The following PRPSAP2 variants were observed in gnomAD, a reference collection of about 807,000 sequenced individuals.
PRPSAP2 encodes phosphoribosyl pyrophosphate synthetase associated protein 2.
Under a neutral mutation model 40.6 loss-of-function variants are expected in PRPSAP2, and 24 were observed. The observed-to-expected ratio is 0.59, with a 90% CI of 0.43 to 0.83. The LOEUF (loss-of-function observed/expected upper bound fraction) is 0.83, where lower values mean the gene tolerates loss of function less well. PRPSAP2 is among the 40% of genes least tolerant of loss of function. PRPSAP2 has a pLI of 0.00. For missense variants in PRPSAP2, 292 were observed against 465.6 expected (o/e 0.63, Z 3.43); for synonymous variants, 149 against 164.7 (o/e 0.90, Z 0.73).
chr17:18,885,446 C>T, intron 7 of PRPSAP2, among the ~76,000 whole-genome samples: 1 of 143,706 alleles, frequency 7.0e-6, no homozygotes, highest in African/African-American at 2.6e-5. Flanking sequence ...TGTGGGAACT[C>T]AGTGTTAAAA....
chr17:18,911,238 C>A lies in PRPSAP2; in HGVS notation c.720C>A (p.Ser240Arg). ...GAAGTGTGGCTGCCATCCACCCCAGCCTGGAGATCCCCAGTAAGTGTGCTG... is the reference window on the plus strand; with the variant it reads ...GAAGTGTGGCTGCCATCCACCCCAGACTGGAGATCCCCAGTAAGTGTGCTG... Reference protein sequence around the residue: ...MVRSVAAIHPSLEIPMLIPKE... With the variant: ...MVRSVAAIHPRLEIPMLIPKE... The change falls in exon 9 of 12, where the codon AGC becomes AGA. Residue 240 changes from serine (S) to arginine (R), a missense_variant. Ser to Arg is a moderately radical substitution (Grantham distance 110). Coordinates refer to ENST00000268835, the MANE Select transcript of PRPSAP2 (RefSeq NM_002767.4). The surrounding 1 kb of genome is among the most constrained non-coding windows in gnomAD (Gnocchi z 4.5). 1 of 1,611,024 alleles carries A rather than the reference C, an allele frequency of 6.2e-7. No homozygotes were observed. Among genetic ancestry groups the A allele is most frequent in the South Asian group, 1.1e-5 (1 of 90,720 alleles).
chr17:18,920,676 T>G (rs1387044289), intron 9 of PRPSAP2, among the ~76,000 whole-genome samples: 2 of 152,270 alleles, frequency 1.3e-5, no homozygotes, highest in South Asian at 2.1e-4. Context: ...TAAAAATTAT[T>G]TTGTATCCTC....
rs1597643438 is a variant in PRPSAP2, at chr17:18,894,474, A to G, written c.584+4597A>G. Among the ~76,000 whole-genome samples, 4 of 123,866 alleles carry G rather than the reference A, an allele frequency of 3.2e-5. No individual in the cohort carries two copies. The Admixed American group carries it at 3.3e-4, about 10-fold the overall frequency. The allele number at this position is 123,866 out of a possible 152,430, so 81.3% of individuals were successfully genotyped here. On this transcript the variant is annotated intron_variant, in intron 8 of 11. Coordinates refer to ENST00000268835, the MANE Select transcript of PRPSAP2 (RefSeq NM_002767.4). The stretch of plus-strand genomic sequence containing the variant: ...ATGCCCGGCCCTCTGTAGCTTTTCA[A>G]TAGTCTTTTTTTTTTTTTTTTTTGA...
intron 5 of PRPSAP2, 33 bp from the exon 6 acceptor site, chr17:18,877,665 C>T: frequency 1.3e-6 from 2 of 1,575,812 alleles, no homozygotes; most frequent in Non-Finnish European, 1.7e-6. Context: ...TGTTGTAGAT[C>T]CCTTGATGAG....
intron 11 of PRPSAP2, chr17:18,929,853 C>T (rs934922421): frequency 3.9e-5 from 6 of 152,092 alleles, no homozygotes; most frequent in Admixed American, 3.9e-4. Context: ...TGTGTTTTCT[C>T]TTCTCTTGGA....
At chr17:18,866,022 C>A in intron 3 of PRPSAP2, 70 bp downstream of exon 3, 1 of 1,126,482 alleles carries the variant, frequency 8.9e-7, no homozygotes, top group African/African-American at 1.6e-5. Context: ...ATCAGATTAG[C>A]AGTTATTGTT....
chr17:18,858,037 T>C (rs1337300932), upstream of PRPSAP2: 3 of 150,906 alleles, frequency 2.0e-5, no homozygotes, highest in Admixed American at 6.6e-5. Context: ...CCCCGCGCCT[T>C]ACCCACTGGT....
intron 8 of PRPSAP2, among the ~76,000 whole-genome samples, chr17:18,890,244 A>T (rs2039458591): frequency 1.3e-5 from 2 of 152,078 alleles, no homozygotes; most frequent in South Asian, 4.2e-4. Context: ...ATCTCGGCTC[A>T]CCACAACCTC....
chr17:18,915,289 G>A (rs2041240527), intron 9 of PRPSAP2, among the ~76,000 whole-genome samples: 1 of 152,112 alleles, frequency 6.6e-6, no homozygotes, highest in East Asian at 1.9e-4. Context: ...GCCTCCCAAA[G>A]TGCTGAAATT....
At chr17:18,912,621 G>T (rs2041035250) in intron 9 of PRPSAP2, among the ~76,000 whole-genome samples, 1 of 152,184 alleles carries the variant, frequency 6.6e-6, no homozygotes, top group South Asian at 2.1e-4. Flanking sequence ...TAAGACTCCA[G>T]CTCTGGGATT....
At chr17:18,900,758 T>C (rs2040218134) in intron 8 of PRPSAP2, among the ~76,000 whole-genome samples, 1 of 152,080 alleles carries the variant, frequency 6.6e-6, no homozygotes, top group Non-Finnish European at 1.5e-5. Context: ...TGGGTGGAAA[T>C]GCTCCCTCCA....
intron 8 of PRPSAP2, among the ~76,000 whole-genome samples, chr17:18,909,276 CTG>C (rs2040806255): frequency 7.5e-6 from 1 of 133,762 alleles, no homozygotes; most frequent in Non-Finnish European, 1.5e-5. Flanking sequence ...GAGTCTCGCT[CTG>C]TCGCCCAGGC....
intron 7 of PRPSAP2, among the ~76,000 whole-genome samples, chr17:18,885,403 C>CA (rs775079199): frequency 0.093 from 1,014 of 10,958 alleles, 212 homozygotes; most frequent in East Asian, 0.25. Context: ...TTCCTTCTCA[C>CA]AAAAAAAAAA....
chr17:18,901,854 T>C (rs1204712503), intron 8 of PRPSAP2, among the ~76,000 whole-genome samples: 1 of 152,290 alleles, frequency 6.6e-6, no homozygotes, highest in East Asian at 1.9e-4. Flanking sequence ...CAACCACGGC[T>C]CACTGTAGCC....
chr17:18,893,905 G>A (rs1010728479), intron 8 of PRPSAP2, among the ~76,000 whole-genome samples: 6 of 152,014 alleles, frequency 3.9e-5, no homozygotes, highest in African/African-American at 1.4e-4. Flanking sequence ...TTTCACTCTT[G>A]TTGCCCGGGC....
intron 6 of PRPSAP2, among the ~76,000 whole-genome samples, chr17:18,882,026 A>G (rs926641086): frequency 1.3e-5 from 2 of 148,892 alleles, no homozygotes; most frequent in African/African-American, 5.0e-5. Flanking sequence ...TTTTTAGTAA[A>G]GATGGGGTTT....
rs751400807 is a variant in PRPSAP2, at chr17:18,911,241, G to A, written c.723G>A (p.Leu241=). The change falls in exon 9 of 12, where the codon CTG becomes CTA. Residue 241 remains leucine, a synonymous_variant. Transcript: ENST00000268835. The surrounding 1 kb of genome is among the most constrained non-coding windows in gnomAD (Gnocchi z 4.5). The part of the protein sequence containing the change: ...VRSVAAIHPS[L]EIPMLIPKEK... ...GTGTGGCTGCCATCCACCCCAGCCT[G>A]GAGATCCCCAGTAAGTGTGCTGCTG... The A allele has an allele frequency of 1.9e-6, 3 of 1,610,570 alleles. No homozygotes were observed. Among genetic ancestry groups the A allele is most frequent in the Non-Finnish European group, 2.5e-6 (3 of 1,177,706 alleles).
chr17:18,928,520 A>G (rs1365163574), intron 10 of PRPSAP2: 2 of 399,768 alleles, frequency 5.0e-6, no homozygotes, highest in South Asian at 2.1e-5. Flanking sequence ...TGACAGCACA[A>G]TGTTGGCCAG....
intron 1 of PRPSAP2, among the ~76,000 whole-genome samples, chr17:18,863,775 C>A (rs540996517): frequency 3.8e-4 from 57 of 151,466 alleles, no homozygotes; most frequent in African/African-American, 1.4e-3. Flanking sequence ...CTCAGGTGAT[C>A]CACCCACCTC....
Sources: allele counts gnomAD v4.1 joint callset (sites outside exome capture counted in the v4.1 genomes callset), GRCh38; gene constraint gnomAD v4.1.1; non-coding constraint Gnocchi (gnomAD v3.1); transcripts MANE v1.5; gene names NCBI Gene and HGNC (gene_info 2026-07-23, HGNC 2026-07-21).